The following NRP1 variants were observed in gnomAD, a reference collection of about 807,000 sequenced individuals.
NRP1 encodes neuropilin 1.
Under a neutral mutation model 106.7 loss-of-function variants are expected in NRP1, and 35 were observed. That is an observed-to-expected ratio of 0.33 (90% CI 0.25 to 0.43). The LOEUF (loss-of-function observed/expected upper bound fraction) is 0.43. NRP1 is among the 20% of genes least tolerant of loss of function. The probability of loss-of-function intolerance (pLI) is 1.00; values close to 1 mark genes in which losing one functional copy is unlikely to be tolerated. For missense variants in NRP1, 1,024 were observed against 1,170.4 expected (o/e 0.87, Z 1.83); for synonymous variants, 437 against 417.9 (o/e 1.05, Z -0.56).
intron 6 of NRP1, among the ~76,000 whole-genome samples, chr10:33,228,331 C>T (rs1217889220): frequency 6.6e-6 from 1 of 152,120 alleles, no homozygotes; most frequent in African/African-American, 2.4e-5. Context: ...GAGATCTCGC[C>T]ACCGCACTCC....
chr10:33,284,336 T>C (rs1401919892), intron 2 of NRP1, among the ~76,000 whole-genome samples: 1 of 152,228 alleles, frequency 6.6e-6, no homozygotes, highest in African/African-American at 2.4e-5. Context: ...CCTTTATGCA[T>C]AAAATTTATT....
chr10:33,259,340 C>T lies in NRP1; in HGVS notation c.659-2869G>A, dbSNP rs148422977. Among the ~76,000 whole-genome samples, 17 of 152,184 alleles carry T rather than the reference C, an allele frequency of 1.1e-4. 1 individual carries two copies. The highest frequency in any genetic ancestry group is 2.4e-4 in the African/African-American group (10 of 41,520). ...AAGATACGAGAGTGAAAGGCTTTTT[C>T]GACTATAATACAAAGAAGTATTGAA... On this transcript the variant is annotated intron_variant, in intron 4 of 16. Coordinates refer to ENST00000374867, the MANE Select transcript of NRP1 (RefSeq NM_003873.7).
chr10:33,180,098 T>C lies in NRP1; in HGVS notation c.2750A>G (p.Gln917Arg), dbSNP rs1835585031. 6.2e-7 allele frequency: 1 copy of C among 1,614,054 alleles called. No homozygotes were observed. Among genetic ancestry groups the C allele is most frequent in the Non-Finnish European group, 8.5e-7 (1 of 1,180,034 alleles). ...CCTTCATGCCTCCGAATAAGTACTC[T>C]GTGTATTCAGTTTGTCTTTTTTCAA... ...VKLKKDKLNT[Q>R]STYSEA The change falls in exon 17 of 17, where the codon CAG becomes CGG. Residue 917 changes from glutamine (Q) to arginine (R), a missense_variant. Around this residue, in one of 5 missense-constraint regions of NRP1, gnomAD observed 164 missense variants for 161.4 expected, o/e 1.02. Coordinates refer to ENST00000374867, the MANE Select transcript of NRP1 (RefSeq NM_003873.7).
At chr10:33,195,675 C>A in intron 12 of NRP1, 1 of 461,642 alleles carries the variant, frequency 2.2e-6, no homozygotes, top group East Asian at 5.9e-5. Context: ...GCTCAAGTCC[C>A]CATGCAATAT....
At chr10:33,254,590 C>T (rs904680887) in intron 5 of NRP1, among the ~76,000 whole-genome samples, 3 of 152,008 alleles carry the variant, frequency 2.0e-5, no homozygotes, top group South Asian at 2.1e-4. Context: ...CTTTTAATAT[C>T]GAAGAGAATT....
chr10:33,305,238 T>C (rs1846065976), intron 2 of NRP1, among the ~76,000 whole-genome samples: 1 of 152,246 alleles, frequency 6.6e-6, no homozygotes, highest in Non-Finnish European at 1.5e-5. Flanking sequence ...AAAATTTTTG[T>C]GCACCTTTCA....
chr10:33,318,252 C>T (rs1730275663), intron 2 of NRP1, among the ~76,000 whole-genome samples: 1 of 152,142 alleles, frequency 6.6e-6, no homozygotes, highest in South Asian at 2.1e-4. Context: ...TTAACACTGT[C>T]AAATCCACGA....
chr10:33,205,502 T>G (rs1164142485), intron 10 of NRP1: 1 of 151,616 alleles, frequency 6.6e-6, no homozygotes, highest in Non-Finnish European at 1.5e-5. Context: ...GAGATGGGGG[T>G]TCTATTATTA....
intron 12 of NRP1, chr10:33,195,577 C>A (rs776224619): frequency 7.5e-6 from 4 of 533,370 alleles, no homozygotes; most frequent in Non-Finnish European, 1.2e-5. Flanking sequence ...AATCTGGAGC[C>A]TGCAGAACAG....
At chr10:33,291,988 C>G (rs1845029203) in intron 2 of NRP1, among the ~76,000 whole-genome samples, 1 of 152,274 alleles carries the variant, frequency 6.6e-6, no homozygotes, top group African/African-American at 2.4e-5. Context: ...ACTGTAGCCT[C>G]GACATCCTGG....
chr10:33,313,998 C>A (rs933015791), intron 2 of NRP1, among the ~76,000 whole-genome samples: 1 of 142,256 alleles, frequency 7.0e-6, no homozygotes, highest in Non-Finnish European at 1.6e-5. Context: ...TCCCTCCCTC[C>A]TTTCGTTTTC....
chr10:33,328,108 ATCT>A (rs1848021381), intron 2 of NRP1, among the ~76,000 whole-genome samples: 2 of 152,170 alleles, frequency 1.3e-5, no homozygotes, highest in Admixed American at 1.3e-4. Flanking sequence ...GTTATGTAAC[ATCT>A]TCTTGGCCAT....
At chr10:33,315,613 T>C (rs1359131608) in intron 2 of NRP1, among the ~76,000 whole-genome samples, 6 of 152,196 alleles carry the variant, frequency 3.9e-5, no homozygotes, top group Non-Finnish European at 7.3e-5. Context: ...CTGTATGATC[T>C]TGGGAGAATA....
intron 9 of NRP1, 170 bp downstream of exon 9, chr10:33,213,216 T>G (rs1486770061): frequency 6.5e-7 from 1 of 1,535,548 alleles, no homozygotes; most frequent in Non-Finnish European, 8.8e-7. Context: ...TCACTTTTCA[T>G]GCCATATTCC....
intron 1 of NRP1, among the ~76,000 whole-genome samples, chr10:33,332,878 AGT>A (rs34920873): frequency 1.0e-4 from 15 of 150,026 alleles, no homozygotes; most frequent in East Asian, 3.9e-4. Context: ...AAAACTAAGA[AGT>A]GTGTGTGTGT....
At position 33,182,844 on chromosome 10, in the gene NRP1, C is replaced by CACACAA. The variant is rs1199110829; in HGVS notation, c.2432-97_2432-96insTTGTGT. Reference sequence around the variant, plus strand: ...ACCTTTAGGTACATGCACACACACACACACACACACACACACACGTGTCTA... The same window carrying CACACAA: ...ACCTTTAGGTACATGCACACACACACACACAAACACACACACACACACACGTGTCTA... On this transcript the variant is annotated intron_variant, in intron 15 of 16. Transcript: ENST00000374867. 7.6e-5 allele frequency: 61 copies of CACACAA among 802,036 alleles called. No individual in the cohort carries two copies. In the African/African-American group the frequency reaches 8.3e-4, roughly 11 times the overall value. The allele number at this position is 802,036 out of a possible 1,614,324, so 49.7% of individuals were successfully genotyped here.
intron 2 of NRP1, among the ~76,000 whole-genome samples, chr10:33,280,878 G>T (rs961718192): frequency 1.1e-4 from 17 of 151,878 alleles, no homozygotes; most frequent in Admixed American, 9.2e-4. Context: ...GCTACTTGCG[G>T]GGCTGAGGCA....
At chr10:33,232,728 C>T (rs543044500) in intron 6 of NRP1, among the ~76,000 whole-genome samples, 4 of 150,326 alleles carry the variant, frequency 2.7e-5, no homozygotes, top group African/African-American at 9.8e-5. Context: ...CTGCAACCTC[C>T]ACCTCCCAGG....
At chr10:33,319,779 G>C (rs1353566987) in intron 2 of NRP1, among the ~76,000 whole-genome samples, 1 of 150,812 alleles carries the variant, frequency 6.6e-6, no homozygotes, top group Non-Finnish European at 1.5e-5. Flanking sequence ...GTGGAGACGG[G>C]GTTTCACCAT....
Sources: gnomAD v4.1 joint callset for allele counts (sites outside exome capture counted in the v4.1 genomes callset) on GRCh38, gnomAD v4.1.1 for gene constraint, gnomAD v4.1.1 regional missense constraint, MANE v1.5 for transcripts, NCBI Gene and HGNC (gene_info 2026-07-23, HGNC 2026-07-21) for gene names.